Variants in CUX2 observed in about 807,000 individuals in gnomAD.
The protein encoded by CUX2 is cut like homeobox 2.
Under a neutral mutation model 144.8 loss-of-function variants are expected in CUX2, and 40 were observed. The ratio of observed to expected loss-of-function variants is 0.28; its 90% CI spans 0.21 to 0.36. The LOEUF is 0.36. Ranked by LOEUF, CUX2 falls within the 10% of genes least tolerant of loss-of-function variation. The pLI, the probability that CUX2 is intolerant of heterozygous loss-of-function variation, is 1.00. For missense variants in CUX2, 1,615 were observed against 1,994.0 expected (o/e 0.81, Z 3.62); for synonymous variants, 827 against 875.6 (o/e 0.94, Z 0.98).
chr12:111,084,626 C>T (rs756380818), intron 1 of CUX2, among the ~76,000 whole-genome samples: 1 of 151,938 alleles, frequency 6.6e-6, no homozygotes, highest in African/African-American at 2.4e-5. Flanking sequence ...TATATTTCTG[C>T]GAACTTGATT....
In CUX2 at chr12:111,263,243, G is replaced by A. The variant is rs1439953960; in HGVS notation, c.223-518G>A. On this transcript the variant is annotated intron_variant, in intron 3 of 21. Transcript: ENST00000261726. The surrounding 1 kb of genome is among the most constrained non-coding windows in gnomAD (Gnocchi z 4.0). ...CCGGCACTTTGGGAGGCCGAGGCAG[G>A]GGAATCGCAGGAGGTCGAGACAAGC... is the stretch of plus-strand genomic sequence containing the variant. 6.6e-6 allele frequency among the ~76,000 whole-genome samples: 1 copy of A among 152,146 alleles called. No homozygotes were observed. The highest frequency in any genetic ancestry group is 1.5e-5 in the Non-Finnish European group (1 of 68,038).
At chr12:111,330,720 T>TATATATATACATATACATATAC (rs1565926234) in intron 18 of CUX2, among the ~76,000 whole-genome samples, 3 of 49,872 alleles carry the variant, frequency 6.0e-5, no homozygotes, top group African/African-American at 3.3e-4. Context: ...TATATATATA[T>TATATATATACATATACATATAC]ATATATATAT....
At chr12:111,345,551 G>A (rs927732363) in intron 21 of CUX2, among the ~76,000 whole-genome samples, 2 of 151,232 alleles carry the variant, frequency 1.3e-5, no homozygotes, top group African/African-American at 4.9e-5. Flanking sequence ...AGACCATCCT[G>A]GCTAACATGG....
intron 1 of CUX2, among the ~76,000 whole-genome samples, chr12:111,065,803 T>C (rs1870997854): frequency 6.6e-6 from 1 of 152,200 alleles, no homozygotes; most frequent in African/African-American, 2.4e-5. Flanking sequence ...TTGTTAGACA[T>C]GCAAATTGTC....
Position 111,312,337 on chromosome 12 carries a change from T to C in CUX2, c.2002+136T>C. The C allele has an allele frequency of 3.0e-6, 2 of 671,562 alleles. No individual in the cohort carries two copies. The highest frequency in any genetic ancestry group is 5.0e-6 in the Non-Finnish European group (2 of 398,176). The allele number at this position is 671,562 out of a possible 1,614,324, so 41.6% of individuals were successfully genotyped here. On this transcript the variant is annotated intron_variant, in intron 16 of 21. Coordinates refer to ENST00000261726, the MANE Select transcript of CUX2 (RefSeq NM_015267.4). The surrounding 1 kb of genome is among the most constrained non-coding windows in gnomAD (Gnocchi z 4.3). ...AACCACCAGAGGCCAGAGGGACCTGTCTAGAGCGCATGGGTAGCTGTGGCA... is the reference window on the plus strand; with the variant it reads ...AACCACCAGAGGCCAGAGGGACCTGCCTAGAGCGCATGGGTAGCTGTGGCA...
chr12:111,196,529 A>G (rs932046623), intron 1 of CUX2, among the ~76,000 whole-genome samples: 3 of 152,188 alleles, frequency 2.0e-5, no homozygotes, highest in East Asian at 1.9e-4. Flanking sequence ...CCTGGTTTCA[A>G]TGAGAATTTG....
chr12:111,117,277 C>A (rs992701098), intron 1 of CUX2, among the ~76,000 whole-genome samples: 1 of 152,218 alleles, frequency 6.6e-6, no homozygotes, highest in Non-Finnish European at 1.5e-5. Context: ...ATGACCCATT[C>A]ATTGGCTACA....
At chr12:111,254,850 T>TC in intron 3 of CUX2, among the ~76,000 whole-genome samples, 1 of 149,022 alleles carries the variant, frequency 6.7e-6, no homozygotes, top group South Asian at 2.1e-4. Context: ...AGCCAAGCAG[T>TC]CTTTTTTTTT....
In CUX2 at chr12:111,246,623, GCAAAAC is replaced by G; in HGVS notation, c.223-17137_223-17132del. 6.6e-6 allele frequency among the ~76,000 whole-genome samples: 1 copy of G among 152,300 alleles called. No individual in the cohort carries two copies. The highest frequency in any genetic ancestry group is 3.4e-3 in the Middle Eastern group (1 of 294). On this transcript the variant is annotated intron_variant, in intron 3 of 21. Coordinates refer to ENST00000261726, the MANE Select transcript of CUX2 (RefSeq NM_015267.4). This position sits in a 1 kb window ranked among gnomAD's most constrained non-coding sequence, Gnocchi z 4.0. ...AACATCAATCATTTTTAAAACCTGA[GCAAAAC>G]AAAGTGCATGTGGAATTTGGACCAC... is the stretch of plus-strand genomic sequence containing the variant.
chr12:111,099,215 G>A (rs952412680), intron 1 of CUX2, among the ~76,000 whole-genome samples: 27 of 152,228 alleles, frequency 1.8e-4, no homozygotes, highest in African/African-American at 5.3e-4. Flanking sequence ...AGGCAGGAAC[G>A]TGTGTTCAAG....
At chr12:111,224,462 G>A (rs955305885) in intron 3 of CUX2, among the ~76,000 whole-genome samples, 5 of 147,516 alleles carry the variant, frequency 3.4e-5, no homozygotes, top group Admixed American at 1.4e-4. Context: ...CTTCTGCTCC[G>A]TGTCTGCCTG....
At chr12:111,283,467 CATA>C (rs1450498811) in intron 4 of CUX2, among the ~76,000 whole-genome samples, 3 of 152,158 alleles carry the variant, frequency 2.0e-5, no homozygotes, top group Non-Finnish European at 4.4e-5. Flanking sequence ...TGCCACGAGT[CATA>C]ATAATAAGAG....
chr12:111,068,541 G>A lies in CUX2; in HGVS notation c.63+34301G>A, dbSNP rs1335742614. Among the ~76,000 whole-genome samples the A allele has an allele frequency of 6.6e-6, 1 of 152,176 alleles. No individual in the cohort carries two copies. The highest frequency in any genetic ancestry group is 6.5e-5 in the Admixed American group (1 of 15,278). On this transcript the variant is annotated intron_variant, in intron 1 of 21. Transcript: ENST00000261726. The surrounding 1 kb of genome is among the most constrained non-coding windows in gnomAD (Gnocchi z 4.9). ...TTCAGCCCAAACTCTGGGCTCTCCG[G>A]GGACCCAGGAGCGCATCCATTTTCT...
chr12:111,166,689 G>A (rs899483004), intron 1 of CUX2, among the ~76,000 whole-genome samples: 6 of 152,326 alleles, frequency 3.9e-5, no homozygotes, highest in African/African-American at 1.4e-4. Flanking sequence ...AGGAGGATCT[G>A]CAGAGGCTAA....
At position 111,316,449 on chromosome 12, in the gene CUX2, C is replaced by CTTT. The variant is rs35751838; in HGVS notation, c.2003-3547_2003-3545dup. 3.7e-3 allele frequency among the ~76,000 whole-genome samples: 414 copies of CTTT among 113,328 alleles called. 10 individuals carry two copies. The highest frequency in any genetic ancestry group is 0.015 in the African/African-American group (392 of 26,998). 74.3% of individuals were successfully genotyped at this position (113,328 alleles called of 152,430 possible). A position where few individuals can be genotyped will look rare whatever the true frequency, so the allele number is the denominator to read the frequency against. On this transcript the variant is annotated intron_variant, in intron 16 of 21. Coordinates refer to ENST00000261726, the MANE Select transcript of CUX2 (RefSeq NM_015267.4). Reference sequence around the variant, plus strand: ...GCTTGAGCCACCGCGCCCGGCACTTCTTTTTTTTTTTTTTTTTTGACAGAG... The same window carrying CTTT: ...GCTTGAGCCACCGCGCCCGGCACTTCTTTTTTTTTTTTTTTTTTTTTGACAGAG...
chr12:111,251,284 C>T (rs1173138631), intron 3 of CUX2, among the ~76,000 whole-genome samples: 1 of 151,902 alleles, frequency 6.6e-6, no homozygotes, highest in Non-Finnish European at 1.5e-5. Context: ...TGCAGTCTTA[C>T]GTGGAGGCCT....
At chr12:111,053,782 A>G (rs1288957847) in intron 1 of CUX2, among the ~76,000 whole-genome samples, 1 of 152,178 alleles carries the variant, frequency 6.6e-6, no homozygotes, top group Non-Finnish European at 1.5e-5. Flanking sequence ...TGAACTCATT[A>G]CCATACATTA....
intron 1 of CUX2, among the ~76,000 whole-genome samples, chr12:111,146,376 CT>C (rs201403954): frequency 6.6e-6 from 1 of 152,222 alleles, no homozygotes; most frequent in East Asian, 1.9e-4. Context: ...CTGGTACCCA[CT>C]GATCATTTTA....
At position 111,338,141 on chromosome 12, in the gene CUX2, C is replaced by T. The variant is rs1019830538; in HGVS notation, c.3197-145C>T. 4 of 804,838 alleles carry T rather than the reference C, an allele frequency of 5.0e-6. No homozygotes were observed. In the Admixed American group the frequency reaches 8.5e-5, roughly 17 times the overall value. The allele number at this position is 804,838 out of a possible 1,614,324, so 49.9% of individuals were successfully genotyped here. ...CGGCTTCACATCAGGTGTGGGTCCT[C>T]CGCCGTCTCTGGCCCTCCCTTCGGA... On this transcript the variant is annotated intron_variant, in intron 19 of 21. Transcript: ENST00000261726.
Sources: allele counts gnomAD v4.1 joint callset (sites outside exome capture counted in the v4.1 genomes callset), GRCh38; gene constraint gnomAD v4.1.1; non-coding constraint Gnocchi (gnomAD v3.1); transcripts MANE v1.5; gene names NCBI Gene and HGNC (gene_info 2026-07-23, HGNC 2026-07-21).